Variants in RPL28 observed in about 807,000 individuals in gnomAD.
RPL28 encodes ribosomal protein L28.
Under a neutral mutation model 12.5 loss-of-function variants are expected in RPL28, and 4 were observed. The ratio of observed to expected loss-of-function variants is 0.32; its 90% CI spans 0.16 to 0.73. The LOEUF is 0.73. Among genes scored for constraint, RPL28 ranks in the 30% least tolerant of loss-of-function variants. The pLI is 0.66. For synonymous variants in RPL28, 91 were observed against 72.5 expected, an observed-to-expected ratio of 1.26 and a Z score of -1.30; for missense variants, 214 against 197.7, an observed-to-expected ratio of 1.08 and a Z score of -0.49.
downstream of RPL28, among the ~76,000 whole-genome samples, chr19:55,396,111 G>A (rs1023478476): frequency 6.0e-5 from 9 of 151,100 alleles, no homozygotes; most frequent in African/African-American, 2.2e-4. Context: ...AATTCCATCT[G>A]TACAAAAAAA....
intron 4 of RPL28, among the ~76,000 whole-genome samples, chr19:55,398,766 A>G (rs913827581): frequency 6.6e-6 from 1 of 152,052 alleles, no homozygotes; most frequent in African/African-American, 2.4e-5. Context: ...CGGTGGTGCA[A>G]TCTCGGCTCA....
downstream of RPL28, among the ~76,000 whole-genome samples, chr19:55,394,614 C>T (rs1259450776): frequency 6.6e-6 from 1 of 151,664 alleles, no homozygotes; most frequent in Non-Finnish European, 1.5e-5. Context: ...CTCTGTTTTC[C>T]AGGCTGGAGT....
downstream of RPL28, chr19:55,403,291 A>G: frequency 5.2e-6 from 3 of 573,296 alleles, no homozygotes; most frequent in South Asian, 4.5e-5. Flanking sequence ...GCTTTAGCAA[A>G]AAAGCCTCTA....
chr19:55,387,380 C>G, intron 3 of RPL28: 1 of 1,551,192 alleles, frequency 6.4e-7, no homozygotes, highest in Non-Finnish European at 8.7e-7. Context: ...GGCTAGTGAT[C>G]CTCCTGTCTC....
Position 55,391,606 on chromosome 19 carries a change from C to G in RPL28, c.*3274C>G, listed in dbSNP as rs773074859. 3.8e-5 allele frequency: 59 copies of G among 1,548,818 alleles called. No homozygotes were observed. The highest frequency in any genetic ancestry group is 1.4e-4 in the African/African-American group (10 of 73,004). ...CTCTGCTGCTCGGTGGCTGTGCAAC[C>G]TTGGGCAAGTTCCTCAACCTCTCTG... On this transcript the variant is annotated 3_prime_UTR_variant, in exon 5 of 5. Transcript: ENST00000344063.
At chr19:55,402,842 A>G in intron 4 of RPL28, 1 of 987,600 alleles carries the variant, frequency 1.0e-6, no homozygotes, top group Non-Finnish European at 1.5e-6. Flanking sequence ...CTTGGAGCTC[A>G]ATCCTCTCCC....
Position 55,391,504 on chromosome 19 carries a change from G to C in RPL28, c.*3172G>C, listed in dbSNP as rs1569043392. ...GTTGTGCAGAGCGCTGGGGACTCCA[G>C]ACTCCCCACAGCAGCAGAGACTCGG... On this transcript the variant is annotated 3_prime_UTR_variant, in exon 5 of 5. Coordinates refer to ENST00000344063, the MANE Select transcript of RPL28 (RefSeq NM_000991.5). The C allele has an allele frequency of 6.9e-7, 1 of 1,449,280 alleles. No homozygotes were observed. 89.8% of individuals were successfully genotyped at this position (1,449,280 alleles called of 1,614,324 possible). A position where few individuals can be genotyped will look rare whatever the true frequency, so the allele number is the denominator to read the frequency against.
chr19:55,392,334 C>T (rs769209617), downstream of RPL28, among the ~76,000 whole-genome samples: 2 of 151,660 alleles, frequency 1.3e-5, no homozygotes, highest in Non-Finnish European at 2.9e-5. Context: ...TGGGCACTCT[C>T]AATTGTCCCG....
downstream of RPL28, among the ~76,000 whole-genome samples, chr19:55,392,512 C>T (rs753979607): frequency 6.6e-6 from 1 of 151,510 alleles, no homozygotes; most frequent in Non-Finnish European, 1.5e-5. Flanking sequence ...GGATTACAAG[C>T]GTGAGCCACT....
downstream of RPL28, among the ~76,000 whole-genome samples, chr19:55,396,477 T>TCCCCCCCCCCC (rs112754863): frequency 3.9e-4 from 5 of 12,880 alleles, no homozygotes; most frequent in African/African-American, 1.5e-3. Flanking sequence ...AGGAAAGTTC[T>TCCCCCCCCCCC]CCCCCCTCCC....
At chr19:55,395,176 G>A (rs551776267), downstream of RPL28, among the ~76,000 whole-genome samples, 1 of 151,238 alleles carries the variant, frequency 6.6e-6, no homozygotes, top group East Asian at 2.0e-4. Flanking sequence ...CACTCTTGTC[G>A]CCCAGGCTGG....
downstream of RPL28, among the ~76,000 whole-genome samples, chr19:55,395,570 A>T (rs1054419871): frequency 6.6e-6 from 1 of 150,488 alleles, no homozygotes; most frequent in African/African-American, 2.5e-5. Flanking sequence ...CAGCCTCCCT[A>T]GTAGCTGGGA....
At chr19:55,387,856 G>T (rs2089948320) in intron 3 of RPL28, 74 bp from the exon 4 acceptor site, 1 of 1,500,958 alleles carries the variant, frequency 6.7e-7, no homozygotes, top group African/African-American at 1.4e-5. Context: ...ATGTGAGACT[G>T]TCCACACCTG....
intron 4 of RPL28, chr19:55,402,801 T>C (rs987876621): frequency 4.6e-6 from 3 of 656,880 alleles, no homozygotes; most frequent in African/African-American, 1.8e-5. Flanking sequence ...AGGCGGTACA[T>C]GTGGGAGGGA....
chr19:55,391,596 G>T lies in RPL28; in HGVS notation c.*3264G>T, dbSNP rs1277506247. ...TGGGTCAGGGCTCTGCTGCTCGGTG[G>T]CTGTGCAACCTTGGGCAAGTTCCTC... On this transcript the variant is annotated 3_prime_UTR_variant, in exon 5 of 5. Transcript: ENST00000344063. 15 of 1,548,740 alleles carry T rather than the reference G, an allele frequency of 9.7e-6. No individual in the cohort carries two copies. Among genetic ancestry groups the T allele is most frequent in the Non-Finnish European group, 1.3e-5 (15 of 1,144,572 alleles).
rs913591711 is a variant in RPL28, at chr19:55,403,054, C to A, written c.436C>A (p.Pro146Thr). Reference sequence around the variant, plus strand: ...AGCCAGGTCATTCTGTGTCATGGAGCCATCTCGTACGCTGCAGGATTTGGG... The same window carrying A: ...AGCCAGGTCATTCTGTGTCATGGAGACATCTCGTACGCTGCAGGATTTGGG... Residue 146 changes from proline to threonine, a missense_variant, in exon 5 of 5, where the codon CCA becomes ACA. Physicochemically the swap from Pro to Thr is conservative, Grantham distance 38. Transcript: ENST00000560055. 15 of 1,387,236 alleles carry A rather than the reference C, an allele frequency of 1.1e-5. No homozygotes were observed. The African/African-American group carries it at 2.0e-4, about 18-fold the overall frequency. The allele number at this position is 1,387,236 out of a possible 1,614,324, so 85.9% of individuals were successfully genotyped here. A position where few individuals can be genotyped will look rare whatever the true frequency, so the allele number is the denominator to read the frequency against.
In RPL28 at chr19:55,391,604, A is replaced by G. The variant is rs971621716; in HGVS notation, c.*3272A>G. On this transcript the variant is annotated 3_prime_UTR_variant, in exon 5 of 5. Coordinates refer to ENST00000344063, the MANE Select transcript of RPL28 (RefSeq NM_000991.5). ...GGCTCTGCTGCTCGGTGGCTGTGCA[A>G]CCTTGGGCAAGTTCCTCAACCTCTC... 6 of 1,549,184 alleles carry G rather than the reference A, an allele frequency of 3.9e-6. No homozygotes were observed. The African/African-American group carries it at 4.1e-5, about 11-fold the overall frequency.
At position 55,389,140 on chromosome 19, in the gene RPL28, G is replaced by A; in HGVS notation, c.*808G>A. 2 of 985,326 alleles carry A rather than the reference G, an allele frequency of 2.0e-6. No individual in the cohort carries two copies. The highest frequency in any genetic ancestry group is 1.2e-6 in the Non-Finnish European group (1 of 829,858). The allele number at this position is 985,326 out of a possible 1,614,324, so 61.0% of individuals were successfully genotyped here. The stretch of plus-strand genomic sequence containing the variant: ...CTCCCTAGTGTTTATTACAGCTTGT[G>A]AGGCCAGGAGTTTGAGACCATCCTA... On this transcript the variant is annotated 3_prime_UTR_variant, in exon 5 of 5. Coordinates refer to ENST00000344063, the MANE Select transcript of RPL28 (RefSeq NM_000991.5).
rs371199075 is a variant in RPL28 at position 55,387,921 on chromosome 19, C to T, written c.206-9C>T. ...GACTGACCCCAGGACCTCCCTGACC[C>T]CCAACCAGGCCAGCGGAAGCCTGCC... is the stretch of plus-strand genomic sequence containing the variant. On this transcript the variant is annotated splice_polypyrimidine_tract_variant and intron_variant, in intron 3 of 4. Coordinates refer to ENST00000344063, the MANE Select transcript of RPL28 (RefSeq NM_000991.5). 2.6e-6 allele frequency: 4 copies of T among 1,558,286 alleles called. No homozygotes were observed. The highest frequency in any genetic ancestry group is 1.4e-5 in the African/African-American group (1 of 73,676).
Sources: gnomAD v4.1 joint callset for allele counts (sites outside exome capture counted in the v4.1 genomes callset) on GRCh38, gnomAD v4.1.1 for gene constraint, MANE v1.5 for transcripts, NCBI Gene and HGNC (gene_info 2026-07-23, HGNC 2026-07-21) for gene names.